Variants in MYO5B observed in about 807,000 individuals in gnomAD.
The protein encoded by MYO5B is myosin VB.
In MYO5B, 143 loss-of-function variants were observed where a neutral mutation model predicts 229.3. That is an observed-to-expected ratio of 0.62 (90% confidence interval 0.54 to 0.72). The LOEUF (loss-of-function observed/expected upper bound fraction) is 0.72, where lower values mean the gene tolerates loss of function less well. Ranked by LOEUF, MYO5B falls within the 30% of genes least tolerant of loss-of-function variation. The pLI, the probability that MYO5B is intolerant of heterozygous loss-of-function variation, is 0.00. For missense variants in MYO5B, 2,321 were observed against 2,331.0 expected (o/e 1.00, Z 0.09); for synonymous variants, 918 against 885.2 (o/e 1.04, Z -0.66).
chr18:49,881,881 G>C (rs1022786836), intron 22 of MYO5B, among the ~76,000 whole-genome samples: 2 of 152,022 alleles, frequency 1.3e-5, no homozygotes, highest in Non-Finnish European at 2.9e-5. Context: ...ATTTGTATGG[G>C]TTTTTAAAAA....
intron 1 of MYO5B, among the ~76,000 whole-genome samples, chr18:50,186,155 T>C (rs1485838438): frequency 6.6e-6 from 1 of 152,202 alleles, no homozygotes; most frequent in Non-Finnish European, 1.5e-5. Flanking sequence ...GGAAACCCAG[T>C]GTGTACAGTA....
chr18:49,843,622 T>A (rs890846320), intron 33 of MYO5B, among the ~76,000 whole-genome samples: 1 of 152,218 alleles, frequency 6.6e-6, no homozygotes, highest in Non-Finnish European at 1.5e-5. Context: ...CAAAACCACA[T>A]TCCTAATTGT....
chr18:50,128,813 G>A (rs2032208579), intron 1 of MYO5B, among the ~76,000 whole-genome samples: 1 of 152,182 alleles, frequency 6.6e-6, no homozygotes, highest in Admixed American at 6.5e-5. Context: ...GATAAAATGT[G>A]AAAGAACATT....
intron 18 of MYO5B, among the ~76,000 whole-genome samples, chr18:49,908,701 G>A (rs903430999): frequency 6.6e-6 from 1 of 152,200 alleles, no homozygotes; most frequent in African/African-American, 2.4e-5. Context: ...TCTCCGTGAT[G>A]TGGTCCTCTA....
At chr18:50,059,238 G>A (rs2030626795) in intron 1 of MYO5B, among the ~76,000 whole-genome samples, 1 of 152,162 alleles carries the variant, frequency 6.6e-6, no homozygotes, top group Non-Finnish European at 1.5e-5. Context: ...TGGGGCACCT[G>A]GTTTATACCT....
chr18:50,106,576 T>C (rs373534684), intron 1 of MYO5B, among the ~76,000 whole-genome samples: 5 of 152,222 alleles, frequency 3.3e-5, no homozygotes, highest in Non-Finnish European at 7.3e-5. Context: ...GTATCCTCCC[T>C]GTGCCTGGAA....
chr18:50,169,731 G>A (rs1313323175), intron 1 of MYO5B, among the ~76,000 whole-genome samples: 1 of 127,780 alleles, frequency 7.8e-6, no homozygotes, highest in African/African-American at 3.0e-5. Context: ...CCAATTCAAG[G>A]TATATGAGTG....
intron 1 of MYO5B, among the ~76,000 whole-genome samples, chr18:50,185,760 T>C (rs2033139500): frequency 6.6e-6 from 1 of 152,236 alleles, no homozygotes; most frequent in African/African-American, 2.4e-5. Flanking sequence ...TGGCATCAGA[T>C]CTTGGCAATT....
chr18:50,040,454 T>G, intron 2 of MYO5B, 140 bp from the exon 3 acceptor site: 1 of 937,546 alleles, frequency 1.1e-6, no homozygotes, highest in Non-Finnish European at 1.7e-6. Flanking sequence ...AAAGACAAGC[T>G]GAACAAAATA....
intron 22 of MYO5B, 40 bp downstream of exon 22, chr18:49,894,901 A>C: frequency 6.3e-7 from 1 of 1,583,906 alleles, no homozygotes; most frequent in Non-Finnish European, 8.6e-7. Flanking sequence ...GTGCCCACCC[A>C]CTCTGCTTGC....
chr18:50,146,215 G>A (rs1185080416), intron 1 of MYO5B, among the ~76,000 whole-genome samples: 3 of 152,230 alleles, frequency 2.0e-5, no homozygotes, highest in African/African-American at 7.2e-5. Flanking sequence ...CAATCTTGGG[G>A]CTGTTAGCCC....
At chr18:50,057,930 T>C (rs2030591870) in intron 1 of MYO5B, among the ~76,000 whole-genome samples, 1 of 152,176 alleles carries the variant, frequency 6.6e-6, no homozygotes, top group Non-Finnish European at 1.5e-5. Context: ...TCCCCTGCCT[T>C]TGAGAATATG....
rs192374174 is a variant in MYO5B, at chr18:49,872,270, G to C, written c.3538-38C>G. On this transcript the variant is annotated intron_variant, in intron 26 of 39. Coordinates refer to ENST00000285039, the MANE Select transcript of MYO5B (RefSeq NM_001080467.3). Reference sequence around the variant, plus strand: ...AGACACAAAGATAAGTGCAGACCTCGAGCAAGATATTCCACAGAGGTGTTT... The same window carrying C: ...AGACACAAAGATAAGTGCAGACCTCCAGCAAGATATTCCACAGAGGTGTTT... The C allele has an allele frequency of 2.0e-4, 317 of 1,601,290 alleles. No individual in the cohort carries two copies. The African/African-American group carries it at 3.6e-3, about 18-fold the overall frequency.
chr18:50,132,545 C>T (rs539912944), intron 1 of MYO5B, among the ~76,000 whole-genome samples: 2 of 152,176 alleles, frequency 1.3e-5, no homozygotes, highest in Non-Finnish European at 2.9e-5. Context: ...CAGCAGTCTG[C>T]CATAGGCTGG....
intron 30 of MYO5B, among the ~76,000 whole-genome samples, chr18:49,854,951 G>C (rs2024243582): frequency 6.6e-6 from 1 of 152,150 alleles, no homozygotes; most frequent in Non-Finnish European, 1.5e-5. Context: ...AAAGTTACAT[G>C]AATGAAGAAG....
chr18:50,143,570 A>G (rs1383188961), intron 1 of MYO5B, among the ~76,000 whole-genome samples: 1 of 152,208 alleles, frequency 6.6e-6, no homozygotes, highest in East Asian at 1.9e-4. Context: ...AATCACACCA[A>G]TATTTATCTG....
chr18:50,160,609 G>A (rs2032750649), intron 1 of MYO5B, among the ~76,000 whole-genome samples: 1 of 152,174 alleles, frequency 6.6e-6, no homozygotes, highest in African/African-American at 2.4e-5. Flanking sequence ...GTAGCCATAT[G>A]TGAACACCTC....
chr18:50,172,357 GT>G (rs1455451920), intron 1 of MYO5B, among the ~76,000 whole-genome samples: 1 of 149,082 alleles, frequency 6.7e-6, no homozygotes, highest in Non-Finnish European at 1.5e-5. Context: ...TGGCCAGACT[GT>G]TTTTTCTCTT....
intron 21 of MYO5B, among the ~76,000 whole-genome samples, chr18:49,900,536 C>T (rs2024829799): frequency 6.6e-6 from 1 of 152,260 alleles, no homozygotes; most frequent in Non-Finnish European, 1.5e-5. Context: ...CATTCTATTG[C>T]TATCTCTGCA....
Sources: allele counts gnomAD v4.1 joint callset (sites outside exome capture counted in the v4.1 genomes callset), GRCh38; gene constraint gnomAD v4.1.1; transcripts MANE v1.5; gene names NCBI Gene and HGNC (gene_info 2026-07-23, HGNC 2026-07-21).